The following SLC24A2 variants were observed in gnomAD, a reference collection of about 807,000 sequenced individuals.
SLC24A2 encodes the protein sodium/potassium/calcium exchanger 2.
In SLC24A2, 36 loss-of-function variants were observed where a neutral mutation model predicts 62.0. The ratio of observed to expected loss-of-function variants is 0.58; its 90% CI spans 0.44 to 0.77. SLC24A2 has a LOEUF of 0.77. Ranked by LOEUF, SLC24A2 falls within the 30% of genes least tolerant of loss-of-function variation. The pLI is 0.00. For missense variants in SLC24A2, 846 were observed against 817.9 expected (o/e 1.03, Z -0.42); for synonymous variants, 358 against 294.0 (o/e 1.22, Z -2.23).
chr9:19,571,064 C>T (rs773736950), intron 7 of SLC24A2, among the ~76,000 whole-genome samples: 1 of 152,196 alleles, frequency 6.6e-6, no homozygotes, highest in East Asian at 1.9e-4. Flanking sequence ...ACAGATGTCC[C>T]TCTGTCAGCC....
the SLC24A2 span, among the ~76,000 whole-genome samples, chr9:20,272,876 A>C: frequency 6.6e-6 from 1 of 152,188 alleles, no homozygotes; most frequent in Non-Finnish European, 1.5e-5. Flanking sequence ...GGGATTCCCC[A>C]AGGAGCCCAG....
chr9:19,531,968 A>G (rs897127260), intron 8 of SLC24A2, among the ~76,000 whole-genome samples: 1 of 152,214 alleles, frequency 6.6e-6, no homozygotes. Context: ...ATGCCCTTGT[A>G]TTCATGAGGG....
the SLC24A2 span, among the ~76,000 whole-genome samples, chr9:20,161,403 C>T: frequency 6.6e-6 from 1 of 151,092 alleles, no homozygotes; most frequent in Non-Finnish European, 1.5e-5. Flanking sequence ...GATACAGGAA[C>T]CTGATTTTTA....
chr9:19,734,039 G>C (rs900630438), intron 2 of SLC24A2, among the ~76,000 whole-genome samples: 7 of 152,160 alleles, frequency 4.6e-5, no homozygotes, highest in Non-Finnish European at 1.0e-4. Flanking sequence ...TTTAAGCAGA[G>C]ACTAAATAGA....
the SLC24A2 span, among the ~76,000 whole-genome samples, chr9:19,874,051 A>ATATTG: frequency 6.7e-6 from 1 of 148,258 alleles, no homozygotes; most frequent in East Asian, 2.0e-4. Context: ...CGTACATATG[A>ATATTG]TATTGTTCTT....
At chr9:19,968,818 A>T in the SLC24A2 span, among the ~76,000 whole-genome samples, 1 of 152,170 alleles carries the variant, frequency 6.6e-6, no homozygotes, top group Non-Finnish European at 1.5e-5. Flanking sequence ...CATTCATCTC[A>T]AGGCATGAGT....
At chr9:19,863,146 A>G in the SLC24A2 span, among the ~76,000 whole-genome samples, 1 of 152,036 alleles carries the variant, frequency 6.6e-6, no homozygotes, top group East Asian at 1.9e-4. Flanking sequence ...AAGAGAGACA[A>G]GGTCGCTATA....
intron 8 of SLC24A2, among the ~76,000 whole-genome samples, chr9:19,530,985 C>A (rs147990700): frequency 1.3e-5 from 2 of 152,086 alleles, no homozygotes; most frequent in African/African-American, 4.8e-5. Flanking sequence ...CAAAATATAC[C>A]CCGCCATATA....
chr9:19,582,596 G>A (rs2132866220), intron 5 of SLC24A2, among the ~76,000 whole-genome samples: 1 of 152,314 alleles, frequency 6.6e-6, no homozygotes, highest in Admixed American at 6.5e-5. Context: ...TTTCGGTTCT[G>A]CCTTTCTTGT....
chr9:19,578,003 C>T (rs999056010), intron 5 of SLC24A2, among the ~76,000 whole-genome samples: 9 of 151,486 alleles, frequency 5.9e-5, no homozygotes, highest in East Asian at 1.9e-4. Context: ...AATCAAACAT[C>T]GTGTGTTCTC....
At chr9:20,038,364 C>T in the SLC24A2 span, among the ~76,000 whole-genome samples, 1 of 152,294 alleles carries the variant, frequency 6.6e-6, no homozygotes, top group Non-Finnish European at 1.5e-5. Context: ...TGTTTCCTCT[C>T]AGGTGACTGG....
At chr9:19,878,560 G>A in the SLC24A2 span, among the ~76,000 whole-genome samples, 1 of 152,128 alleles carries the variant, frequency 6.6e-6, no homozygotes, top group Non-Finnish European at 1.5e-5. Context: ...TTGGAGGTGG[G>A]GCCTGGTGGG....
Position 19,521,043 on chromosome 9 carries a change from G to A in SLC24A2, c.1587C>T (p.Gly529=). The A allele has an allele frequency of 6.2e-7, 1 of 1,614,030 alleles. No homozygotes were observed. Among genetic ancestry groups the A allele is most frequent in the Non-Finnish European group, 8.5e-7 (1 of 1,179,936 alleles). The change falls in exon 10 of 11, where the codon GGC becomes GGT. Residue 529 remains glycine (G), a synonymous_variant. Transcript: ENST00000341998. ...TCAGGCCCATAATCTCTTCACTGAT[G>A]CCAATTGTCTCTCCAACCTAAATGT... The part of the protein sequence containing the change: ...WWAHQVGETI[G]ISEEIMGLTI...
At chr9:20,129,735 G>A in the SLC24A2 span, among the ~76,000 whole-genome samples, 1 of 152,006 alleles carries the variant, frequency 6.6e-6, no homozygotes, top group African/African-American at 2.4e-5. Context: ...GCAAATCCAT[G>A]GAGACAGAAA....
chr9:19,831,159 A>G, the SLC24A2 span, among the ~76,000 whole-genome samples: 4 of 152,138 alleles, frequency 2.6e-5, no homozygotes, highest in South Asian at 8.3e-4. Context: ...TCTTGATACT[A>G]TTGCATTGGG....
At chr9:20,037,635 A>G in the SLC24A2 span, among the ~76,000 whole-genome samples, 7 of 152,194 alleles carry the variant, frequency 4.6e-5, no homozygotes, top group Admixed American at 4.6e-4. Flanking sequence ...TCCCAAATAG[A>G]CTATTTACAA....
chr9:19,807,550 C>T, the SLC24A2 span, among the ~76,000 whole-genome samples: 1 of 152,060 alleles, frequency 6.6e-6, no homozygotes, highest in African/African-American at 2.4e-5. Context: ...GTAGCTGCAA[C>T]CAAATCAAAA....
chr9:20,087,378 A>C, the SLC24A2 span, among the ~76,000 whole-genome samples: 2 of 152,214 alleles, frequency 1.3e-5, no homozygotes, highest in African/African-American at 4.8e-5. Context: ...GAAGCCAAGA[A>C]ATCTAAATGA....
chr9:20,022,461 T>C, the SLC24A2 span, among the ~76,000 whole-genome samples: 1 of 152,156 alleles, frequency 6.6e-6, no homozygotes, highest in East Asian at 1.9e-4. Flanking sequence ...ATCCAGCAAG[T>C]AGTAGAGGCA....
Sources: gnomAD v4.1 joint callset for allele counts (sites outside exome capture counted in the v4.1 genomes callset) on GRCh38, gnomAD v4.1.1 for gene constraint, MANE v1.5 for transcripts, NCBI Gene and HGNC (gene_info 2026-07-23, HGNC 2026-07-21) for gene names.